GPR149: variants seen among roughly 807,000 people sequenced by gnomAD.
GPR149 encodes the protein G protein-coupled receptor 149, also known as probable G protein-coupled receptor 149.
Under a neutral mutation model 50.2 loss-of-function variants are expected in GPR149, and 50 were observed. The ratio of observed to expected loss-of-function variants is 1.00; its 90% CI spans 0.79 to 1.26. The LOEUF is 1.26. GPR149 is among the 50% of genes most tolerant of loss of function. GPR149 has a pLI of 0.00. For synonymous variants in GPR149, 405 were observed against 358.2 expected (o/e 1.13, Z -1.48); for missense variants, 983 against 895.4 (o/e 1.10, Z -1.25).
rs1048628098 is a variant in GPR149, at chr3:154,421,337, T to G, written c.1325A>C (p.Gln442Pro). The G allele has an allele frequency of 1.9e-6, 3 of 1,613,396 alleles. No individual in the cohort carries two copies. The highest frequency in any genetic ancestry group is 1.7e-5 in the Admixed American group (1 of 59,936). ...ATTGAAGATGTTACGGTTGTCTCTC[T>G]GAGGGTCTTTTGTAGTTTCACACTC... Reference protein sequence around the residue: ...NSECETTKDPQRDNRNIFNAI... With the variant: ...NSECETTKDPPRDNRNIFNAI... Residue 442 changes from glutamine (Q) to proline (P), a missense_variant, in exon 3 of 4, where the codon CAG becomes CCG. Physicochemically the swap from Gln to Pro is moderately conservative, Grantham distance 76. Coordinates refer to ENST00000389740, the MANE Select transcript of GPR149 (RefSeq NM_001038705.3).
rs1713685496 is a variant in GPR149 at position 154,337,664 on chromosome 3, A to G, written c.*35T>C. 4 of 1,440,126 alleles carry G rather than the reference A, an allele frequency of 2.8e-6. No individual in the cohort carries two copies. The highest frequency in any genetic ancestry group is 2.2e-5 in the Admixed American group (1 of 46,442). 89.2% of individuals were successfully genotyped at this position (1,440,126 alleles called of 1,614,324 possible). A position where few individuals can be genotyped will look rare whatever the true frequency, so the allele number is the denominator to read the frequency against. On this transcript the variant is annotated 3_prime_UTR_variant, in exon 4 of 4. Transcript: ENST00000389740. Reference sequence around the variant, plus strand: ...GTGTTAGTTTCACAGTTGACGTTGCAGATCCATTCTTGCTCCTGTTAGACC... The same window carrying G: ...GTGTTAGTTTCACAGTTGACGTTGCGGATCCATTCTTGCTCCTGTTAGACC...
At chr3:154,360,128 G>C (rs1714344935) in intron 3 of GPR149, among the ~76,000 whole-genome samples, 1 of 152,180 alleles carries the variant, frequency 6.6e-6, no homozygotes, top group African/African-American at 2.4e-5. Flanking sequence ...GGCTATGAAT[G>C]AATTCCATTT....
chr3:154,396,704 T>C (rs1715301237), intron 3 of GPR149, among the ~76,000 whole-genome samples: 2 of 151,990 alleles, frequency 1.3e-5, no homozygotes, highest in South Asian at 2.1e-4. Context: ...GATCAGACTT[T>C]ATTATGTATG....
Position 154,353,254 on chromosome 3 carries a change from T to C in GPR149, c.1624-14983A>G, listed in dbSNP as rs576040046. ...CACTGAATGGCCAAGTGTTCCACAG[T>C]AGTTGCAGCCTTTTGAGTCATTTAT... is the stretch of plus-strand genomic sequence containing the variant. On this transcript the variant is annotated intron_variant, in intron 3 of 3. Coordinates refer to ENST00000389740, the MANE Select transcript of GPR149 (RefSeq NM_001038705.3). 207 of 1,466,560 alleles carry C rather than the reference T, an allele frequency of 1.4e-4. No individual in the cohort carries two copies. In the African/African-American group the frequency reaches 2.6e-3, roughly 18 times the overall value. The allele number at this position is 1,466,560 out of a possible 1,614,324, so 90.8% of individuals were successfully genotyped here. A position where few individuals can be genotyped will look rare whatever the true frequency, so the allele number is the denominator to read the frequency against.
At chr3:154,393,607 A>G (rs1333412170) in intron 3 of GPR149, among the ~76,000 whole-genome samples, 1 of 152,048 alleles carries the variant, frequency 6.6e-6, no homozygotes. Context: ...AAAGGCATGT[A>G]GGTGAGAAAG....
intron 3 of GPR149, among the ~76,000 whole-genome samples, chr3:154,401,585 G>A (rs773065188): frequency 1.8e-4 from 28 of 152,134 alleles, no homozygotes; most frequent in Non-Finnish European, 3.2e-4. Flanking sequence ...CCTAGAGTAT[G>A]TGATATCCAG....
chr3:154,383,880 G>A (rs577466499), intron 3 of GPR149, among the ~76,000 whole-genome samples: 60 of 152,142 alleles, frequency 3.9e-4, no homozygotes, highest in African/African-American at 1.4e-3. Context: ...TCTACCATGC[G>A]ACGACACAGT....
chr3:154,365,669 A>C (rs78549482), intron 3 of GPR149, among the ~76,000 whole-genome samples: 1 of 152,194 alleles, frequency 6.6e-6, no homozygotes, highest in Non-Finnish European at 1.5e-5. Flanking sequence ...CAAATGTCTT[A>C]GTTCATGGCC....
intron 3 of GPR149, among the ~76,000 whole-genome samples, chr3:154,384,068 G>A (rs1714996349): frequency 6.6e-6 from 1 of 152,066 alleles, no homozygotes; most frequent in Admixed American, 6.6e-5. Context: ...TGTTATAACA[G>A]CCTGAGCCAA....
intron 3 of GPR149, among the ~76,000 whole-genome samples, chr3:154,355,007 A>C (rs1714184691): frequency 6.6e-6 from 1 of 152,166 alleles, no homozygotes; most frequent in Non-Finnish European, 1.5e-5. Context: ...AAATGAATAT[A>C]TCTTGATACT....
At chr3:154,404,706 G>A (rs537705645) in intron 3 of GPR149, among the ~76,000 whole-genome samples, 1 of 152,270 alleles carries the variant, frequency 6.6e-6, no homozygotes, top group East Asian at 1.9e-4. Context: ...TAGACCTTAG[G>A]CTTAACTTCT....
chr3:154,429,266 AG>A lies in GPR149; in HGVS notation c.349del (p.Leu117SerfsTer5). 1 of 1,614,194 alleles carries A rather than the reference AG, an allele frequency of 6.2e-7. No homozygotes were observed. Among genetic ancestry groups the A allele is most frequent in the Non-Finnish European group, 8.5e-7 (1 of 1,180,034 alleles). On this transcript the variant is annotated frameshift_variant, in exon 1 of 4. Transcript: ENST00000389740. LOFTEE classifies it high-confidence loss of function. ...TSALMYLCQG[L>X]SSNLKATLLV... is the part of the protein sequence containing the mutation. The stretch of plus-strand genomic sequence containing the variant: ...GAGAGTCGCCTTCAAGTTGCTAGAG[AG>A]GCCCTGGCATAAATACATTAAGGCA...
chr3:154,406,061 T>C (rs1270021243), intron 3 of GPR149, among the ~76,000 whole-genome samples: 1 of 151,860 alleles, frequency 6.6e-6, no homozygotes, highest in Admixed American at 6.6e-5. Flanking sequence ...TAAAGAACTC[T>C]TAAAAATTAG....
chr3:154,378,086 C>A (rs1010980073), intron 3 of GPR149, among the ~76,000 whole-genome samples: 3 of 72,532 alleles, frequency 4.1e-5, no homozygotes, highest in East Asian at 7.8e-4. Flanking sequence ...TATCCCCCCC[C>A]CCTTTTTTTT....
intron 3 of GPR149, among the ~76,000 whole-genome samples, chr3:154,347,762 G>T (rs1302824831): frequency 1.3e-5 from 2 of 152,196 alleles, no homozygotes; most frequent in Non-Finnish European, 2.9e-5. Context: ...TGCCACTGAG[G>T]ATCTAAGATG....
intron 3 of GPR149, among the ~76,000 whole-genome samples, chr3:154,417,697 G>A (rs945887240): frequency 1.3e-5 from 2 of 151,862 alleles, no homozygotes; most frequent in South Asian, 2.1e-4. Context: ...CACTATATAC[G>A]ATACATATGT....
intron 3 of GPR149, chr3:154,352,897 C>T (rs1402496680): frequency 1.4e-5 from 12 of 883,166 alleles, no homozygotes; most frequent in Admixed American, 8.5e-5. Context: ...CCAGCTCTAC[C>T]TGTGCATCCA....
At position 154,427,622 on chromosome 3, in the gene GPR149, A is replaced by G. The variant is rs1243697901; in HGVS notation, c.1068T>C (p.Thr356=). ...TGGACAAGACAAACACTGGGGTTACAGTGGTGGCCAGCAGGGTAAGTAGAA... is the reference window on the plus strand; with the variant it reads ...TGGACAAGACAAACACTGGGGTTACGGTGGTGGCCAGCAGGGTAAGTAGAA... The part of the protein sequence containing the change: ...FSFLLTLLAT[T]VTPVFVLSKR... The change falls in exon 2 of 4, where the codon ACT becomes ACC. Residue 356 remains threonine, a synonymous_variant. Transcript: ENST00000389740. 1 of 1,614,108 alleles carries G rather than the reference A, an allele frequency of 6.2e-7. No individual in the cohort carries two copies. Among genetic ancestry groups the G allele is most frequent in the East Asian group, 2.2e-5 (1 of 44,892 alleles).
chr3:154,359,765 AT>A (rs1714337169), intron 3 of GPR149, among the ~76,000 whole-genome samples: 1 of 152,214 alleles, frequency 6.6e-6, no homozygotes. Flanking sequence ...CATAACACCC[AT>A]AGTGTTTTTG....
Sources: allele counts gnomAD v4.1 joint callset (sites outside exome capture counted in the v4.1 genomes callset), GRCh38; gene constraint gnomAD v4.1.1; transcripts MANE v1.5; gene names NCBI Gene and HGNC (gene_info 2026-07-23, HGNC 2026-07-21).